The following RGS14 variants were observed in gnomAD, a reference collection of about 807,000 sequenced individuals.
RGS14 encodes the protein regulator of G protein signaling 14.
In RGS14, 33 loss-of-function variants were observed where a neutral mutation model predicts 63.8. That is an observed-to-expected ratio of 0.52 (90% CI 0.39 to 0.69). The LOEUF is 0.69. RGS14 is among the 30% of genes least tolerant of loss of function. The probability of loss-of-function intolerance (pLI) is 0.00; values close to 1 mark genes in which losing one functional copy is unlikely to be tolerated. For missense variants in RGS14, 739 were observed against 742.9 expected, an observed-to-expected ratio of 0.99 and a Z score of 0.06; for synonymous variants, 296 against 320.9, an observed-to-expected ratio of 0.92 and a Z score of 0.83.
rs943695746 is a variant in RGS14 at position 177,358,143 on chromosome 5, C to T, written c.45+74C>T. The T allele has an allele frequency of 1.2e-5, 15 of 1,214,534 alleles. No individual in the cohort carries two copies. In the East Asian group the frequency reaches 1.3e-4, roughly 10 times the overall value. 75.2% of individuals were successfully genotyped at this position (1,214,534 alleles called of 1,614,324 possible). ...CAGGGTGGAGCCCAGGAGGCACACC[C>T]GGCAGGGCCAGGCAAGAGCCCACGG... On this transcript the variant is annotated intron_variant, in intron 1 of 14. Coordinates refer to ENST00000408923, the MANE Select transcript of RGS14 (RefSeq NM_006480.5). The surrounding 1 kb of genome is among the most constrained non-coding windows in gnomAD (Gnocchi z 4.8).
rs1463115089 is a variant in RGS14, at chr5:177,371,334, G to A, written c.1337-16G>A. The A allele has an allele frequency of 2.5e-6, 4 of 1,613,996 alleles. No homozygotes were observed. In the Admixed American group the frequency reaches 6.7e-5, roughly 27 times the overall value. On this transcript the variant is annotated splice_polypyrimidine_tract_variant and intron_variant, in intron 12 of 14. Transcript: ENST00000408923. This position sits in a 1 kb window ranked among gnomAD's most constrained non-coding sequence, Gnocchi z 6.1. ...AGGTGGGAGGCAAACACTAACTGTG[G>A]CCCTCTCTGCTGCAGGTGTGAAGAT...
At position 177,358,241 on chromosome 5, in the gene RGS14, C is replaced by A. The variant is rs186824629; in HGVS notation, c.45+172C>A. 7.2e-3 allele frequency among the ~76,000 whole-genome samples: 1,100 copies of A among 152,290 alleles called. 8 individuals are homozygous for A. The highest frequency in any genetic ancestry group is 0.01 in the Non-Finnish European group (697 of 68,006). ...GGACCTGGTGCTCTCACCCCTAGACCCTTCCAGATGGCCCAGCCGGGAGCC... is the reference window on the plus strand; with the variant it reads ...GGACCTGGTGCTCTCACCCCTAGACACTTCCAGATGGCCCAGCCGGGAGCC... On this transcript the variant is annotated intron_variant, in intron 1 of 14. Transcript: ENST00000408923. This position sits in a 1 kb window ranked among gnomAD's most constrained non-coding sequence, Gnocchi z 4.8.
Position 177,370,933 on chromosome 5 carries a change from G to A in RGS14, c.1156G>A (p.Val386Ile), listed in dbSNP as rs750875606. The A allele has an allele frequency of 2.6e-5, 42 of 1,607,196 alleles. No individual in the cohort carries two copies. In the East Asian group the frequency reaches 3.3e-4, roughly 13 times the overall value. ...ELELTALERV[V>I]RISAKPTKRL... Reference sequence around the variant, plus strand: ...GGAGCTGACGGCGCTGGAGCGCGTGGTACGAATCTCAGCCAAGCCCACCAA... The same window carrying A: ...GGAGCTGACGGCGCTGGAGCGCGTGATACGAATCTCAGCCAAGCCCACCAA... The change falls in exon 11 of 15, where the codon GTA becomes ATA. Residue 386 changes from valine (V) to isoleucine (I), a missense_variant. By Grantham distance (29) the Val-to-Ile change is conservative. Coordinates refer to ENST00000408923, the MANE Select transcript of RGS14 (RefSeq NM_006480.5).
intron 1 of RGS14, among the ~76,000 whole-genome samples, chr5:177,360,154 T>C (rs1333216227): frequency 6.6e-6 from 1 of 152,208 alleles, no homozygotes; most frequent in African/African-American, 2.4e-5. Context: ...CATGTACTTA[T>C]TCACTCATTC....
At chr5:177,370,857 G>A (rs1762223699) in intron 10 of RGS14, 48 bp from the exon 11 acceptor site, 1 of 1,530,062 alleles carries the variant, frequency 6.5e-7, no homozygotes, top group Non-Finnish European at 8.7e-7. Context: ...GAAGGGTTTG[G>A]CGGGGGGCCG....
rs778723500 is a variant in RGS14, at chr5:177,371,996, A to G, written c.1622A>G (p.Glu541Gly). ...CTGCCCGCCCAAGGGCCCAGCTCCG[A>G]GGAGACCCCACCACAGACCAAATCA... ...LQLPAQGPSS[E>G]ETPPQTKSAA... Residue 541 changes from glutamate to glycine, a missense_variant, in exon 15 of 15, where the codon GAG becomes GGG. Transcript: ENST00000408923. This position sits in a 1 kb window ranked among gnomAD's most constrained non-coding sequence, Gnocchi z 6.1. The G allele has an allele frequency of 2.2e-5, 35 of 1,614,034 alleles. No homozygotes were observed. The Middle Eastern group carries it at 6.6e-4, about 30-fold the overall frequency.
At position 177,366,791 on chromosome 5, in the gene RGS14, T is replaced by C. The variant is rs773101164; in HGVS notation, c.330T>C (p.Asp110=). ...GCTTCCAGCAGATCCCGGCCAGCGA[T>C]ACCCAGCAGGTGGGGGAAGGGGGAG... ...CERFQQIPAS[D]TQQLAQEARN... The change falls in exon 4 of 15, where the codon GAT becomes GAC. Residue 110 remains aspartate (D), a synonymous_variant. Transcript: ENST00000408923. 43 of 1,613,924 alleles carry C rather than the reference T, an allele frequency of 2.7e-5. No homozygotes were observed. The highest frequency in any genetic ancestry group is 3.6e-5 in the Non-Finnish European group (43 of 1,179,962).
chr5:177,369,377 C>G (rs1762185750), intron 9 of RGS14, among the ~76,000 whole-genome samples: 1 of 152,182 alleles, frequency 6.6e-6, no homozygotes, highest in South Asian at 2.1e-4. Flanking sequence ...TTAAAGGAAA[C>G]CATTCAGTCA....
Position 177,366,167 on chromosome 5 carries a change from C to G in RGS14, c.68-10C>G. 6.2e-7 allele frequency: 1 copy of G among 1,601,234 alleles called. No individual in the cohort carries two copies. On this transcript the variant is annotated splice_polypyrimidine_tract_variant and intron_variant, in intron 2 of 14. Transcript: ENST00000408923. ...GCAAGGCTCACCCCAACTTGTCCAT[C>G]CCCCTGCAGAGCTGAGCAGCACGAC...
rs1209921517 is a variant in RGS14, at chr5:177,371,858, G to GT, written c.1499-14dup. The stretch of plus-strand genomic sequence containing the variant: ...GGTCTGCTGGGGGGACCCTCATGCT[G>GT]TGGCTTGCCTCCAGGCCTGGTGGAG... On this transcript the variant is annotated splice_polypyrimidine_tract_variant and intron_variant, in intron 14 of 14. Coordinates refer to ENST00000408923, the MANE Select transcript of RGS14 (RefSeq NM_006480.5). This position sits in a 1 kb window ranked among gnomAD's most constrained non-coding sequence, Gnocchi z 6.1. The GT allele has an allele frequency of 6.2e-7, 1 of 1,606,646 alleles. No homozygotes were observed. Among genetic ancestry groups the GT allele is most frequent in the Non-Finnish European group, 8.5e-7 (1 of 1,176,762 alleles).
Position 177,366,951 on chromosome 5 carries a change from G to A in RGS14, c.400G>A (p.Val134Met), listed in dbSNP as rs767139409. The A allele has an allele frequency of 1.2e-5, 19 of 1,613,896 alleles. No homozygotes were observed. In the Admixed American group the frequency reaches 2.0e-4, roughly 17 times the overall value. ...EFLSSQALSP[V>M]NIDRQAWLGE... ...CCTGTCCAGCCAGGCGCTGAGCCCAGTGAACATCGACCGTCAGGCCTGGCT... is the reference window on the plus strand; with the variant it reads ...CCTGTCCAGCCAGGCGCTGAGCCCAATGAACATCGACCGTCAGGCCTGGCT... The change falls in exon 5 of 15, where the codon GTG (valine) becomes ATG (methionine). Residue 134 changes from valine (V) to methionine (M), a missense_variant. Physicochemically the swap from Val to Met is conservative, Grantham distance 21 (BLOSUM62 1). Coordinates refer to ENST00000408923, the MANE Select transcript of RGS14 (RefSeq NM_006480.5).
intron 9 of RGS14, among the ~76,000 whole-genome samples, chr5:177,369,275 C>T (rs1762183421): frequency 6.6e-6 from 1 of 152,216 alleles, no homozygotes; most frequent in South Asian, 2.1e-4. Flanking sequence ...TCCTTAGCCT[C>T]TAGGGGCACC....
At position 177,370,940 on chromosome 5, in the gene RGS14, T is replaced by C. The variant is rs1002824416; in HGVS notation, c.1163T>C (p.Ile388Thr). The change falls in exon 11 of 15, where the codon ATC becomes ACC. Residue 388 changes from isoleucine (I) to threonine (T), a missense_variant. Coordinates refer to ENST00000408923, the MANE Select transcript of RGS14 (RefSeq NM_006480.5). ...ELTALERVVR[I>T]SAKPTKRLQE... ...ACGGCGCTGGAGCGCGTGGTACGAA[T>C]CTCAGCCAAGCCCACCAAGCGGCTG... 1.9e-6 allele frequency: 3 copies of C among 1,607,814 alleles called. No homozygotes were observed. Among genetic ancestry groups the C allele is most frequent in the Non-Finnish European group, 2.5e-6 (3 of 1,179,678 alleles).
intron 7 of RGS14, 117 bp downstream of exon 7, chr5:177,367,942 C>T: frequency 7.0e-7 from 1 of 1,437,954 alleles, no homozygotes; most frequent in Non-Finnish European, 9.1e-7. Context: ...AATTGAAACC[C>T]AGGTCCCAGT....
chr5:177,372,156 G>A lies in RGS14; in HGVS notation c.*81G>A. ...TGGGTCCGCTCTGCATGCCCTGTCT[G>A]TGCCATGAGTGTCCCTGGCCCCTTC... On this transcript the variant is annotated 3_prime_UTR_variant, in exon 15 of 15. Transcript: ENST00000408923. 7.4e-7 allele frequency: 1 copy of A among 1,346,038 alleles called. No individual in the cohort carries two copies. Among genetic ancestry groups the A allele is most frequent in the Non-Finnish European group, 1.0e-6 (1 of 964,964 alleles). 83.4% of individuals were successfully genotyped at this position (1,346,038 alleles called of 1,614,324 possible).
Position 177,358,114 on chromosome 5 carries a change from C to T in RGS14, c.45+45C>T, listed in dbSNP as rs373587445. On this transcript the variant is annotated intron_variant, in intron 1 of 14. Transcript: ENST00000408923. This position sits in a 1 kb window ranked among gnomAD's most constrained non-coding sequence, Gnocchi z 4.8. Reference sequence around the variant, plus strand: ...CAGGGCCACGAGGAGGGGGTGGGCACACCCAGGGTGGAGCCCAGGAGGCAC... The same window carrying T: ...CAGGGCCACGAGGAGGGGGTGGGCATACCCAGGGTGGAGCCCAGGAGGCAC... 1 of 1,307,092 alleles carries T rather than the reference C, an allele frequency of 7.7e-7. No individual in the cohort carries two copies. Among genetic ancestry groups the T allele is most frequent in the Non-Finnish European group, 9.8e-7 (1 of 1,017,392 alleles). 81.0% of individuals were successfully genotyped at this position (1,307,092 alleles called of 1,614,324 possible). A position where few individuals can be genotyped will look rare whatever the true frequency, so the allele number is the denominator to read the frequency against.
At position 177,363,740 on chromosome 5, in the gene RGS14, C is replaced by G. The variant is rs78672738; in HGVS notation, c.46-2223C>G. 6.2e-3 allele frequency among the ~76,000 whole-genome samples: 946 copies of G among 152,282 alleles called. 25 individuals carry two copies. The East Asian group carries it at 0.066, about 11-fold the overall frequency. Reference sequence around the variant, plus strand: ...TGCTCCATTTTTAGAGAGGAAAAAACTGAGGCACAGAGAGGTTAAGTACCT... The same window carrying G: ...TGCTCCATTTTTAGAGAGGAAAAAAGTGAGGCACAGAGAGGTTAAGTACCT... On this transcript the variant is annotated intron_variant, in intron 1 of 14. Transcript: ENST00000408923.
rs1185761644 is a variant in RGS14, at chr5:177,371,798, A to C, written c.1499-75A>C. ...GGCCAGGGAGGCAGTGGCCACAGTA[A>C]GGCAGTGGGACTATCGTGGGCTGGC... On this transcript the variant is annotated intron_variant, in intron 14 of 14. Coordinates refer to ENST00000408923, the MANE Select transcript of RGS14 (RefSeq NM_006480.5). This position sits in a 1 kb window ranked among gnomAD's most constrained non-coding sequence, Gnocchi z 6.1. 3 of 1,467,112 alleles carry C rather than the reference A, an allele frequency of 2.0e-6. No homozygotes were observed. Among genetic ancestry groups the C allele is most frequent in the Non-Finnish European group, 2.8e-6 (3 of 1,069,928 alleles). 90.9% of individuals were successfully genotyped at this position (1,467,112 alleles called of 1,614,324 possible). A position where few individuals can be genotyped will look rare whatever the true frequency, so the allele number is the denominator to read the frequency against.
rs774074271 is a variant in RGS14 at position 177,368,925 on chromosome 5, G to A, written c.1053+5G>A. 7 of 1,613,454 alleles carry A rather than the reference G, an allele frequency of 4.3e-6. No individual in the cohort carries two copies. The highest frequency in any genetic ancestry group is 4.0e-5 in the African/African-American group (3 of 74,892). On this transcript the variant is annotated splice_donor_5th_base_variant and intron_variant, in intron 9 of 14. Transcript: ENST00000408923. ...TACCTGGTGGGCAATGAACAGGTGG[G>A]AACGTGACCTGGCTCCAACTCTAAC...
Sources: gnomAD v4.1 joint callset for allele counts (sites outside exome capture counted in the v4.1 genomes callset) on GRCh38, gnomAD v4.1.1 for gene constraint, Gnocchi (gnomAD v3.1) non-coding constraint, MANE v1.5 for transcripts, NCBI Gene and HGNC (gene_info 2026-07-23, HGNC 2026-07-21) for gene names.